Variants in RIC3 observed in about 807,000 individuals in gnomAD.
The protein encoded by RIC3 is RIC3 acetylcholine receptor chaperone.
A neutral mutation model predicts 27.3 loss-of-function variants in RIC3; 28 were observed. The observed-to-expected ratio is 1.02, with a 90% CI of 0.76 to 1.41. The LOEUF is 1.41. RIC3 is among the 40% of genes most tolerant of loss of function. RIC3 has a pLI of 0.00. For synonymous variants in RIC3, 184 were observed against 160.4 expected (o/e 1.15, Z -1.11); for missense variants, 501 against 444.7 (o/e 1.13, Z -1.14).
chr11:8,154,229 CCTCT>C lies in RIC3; in HGVS notation c.125-14040_125-14037del, dbSNP rs570331007. Among the ~76,000 whole-genome samples the C allele has an allele frequency of 5.3e-5, 8 of 152,276 alleles. No individual in the cohort carries two copies. In the East Asian group the frequency reaches 1.5e-3, roughly 29 times the overall value. Reference sequence around the variant, plus strand: ...TCCCTTGTGTACTTTTCCCCCACACCCTCTCTGAGATAAACACCATTCTGATTTT... The same window carrying C: ...TCCCTTGTGTACTTTTCCCCCACACCCTGAGATAAACACCATTCTGATTTT... On this transcript the variant is annotated intron_variant, in intron 1 of 5. Coordinates refer to ENST00000309737, the MANE Select transcript of RIC3 (RefSeq NM_001206671.4).
At chr11:8,154,896 A>C (rs10431029) in intron 1 of RIC3, among the ~76,000 whole-genome samples, 9 of 151,948 alleles carry the variant, frequency 5.9e-5, no homozygotes, top group Admixed American at 1.3e-4. Context: ...AAAAGGGAAC[A>C]TGACTAAATC....
At chr11:8,139,878 G>A (rs1374094463) in intron 2 of RIC3, 89 bp downstream of exon 2, 6 of 1,132,434 alleles carry the variant, frequency 5.3e-6, no homozygotes, top group African/African-American at 1.6e-5. Flanking sequence ...ATAATTTTAT[G>A]AACTATAAGA....
rs138105766 is a variant in RIC3 at position 8,109,430 on chromosome 11, G to A, written c.*1268C>T. The A allele has an allele frequency of 1.3e-5, 2 of 152,124 alleles. No homozygotes were observed. Among genetic ancestry groups the A allele is most frequent in the Admixed American group, 6.5e-5 (1 of 15,270 alleles). The allele number at this position is 152,124 out of a possible 1,614,324, so 9.4% of individuals were successfully genotyped here. A position where few individuals can be genotyped will look rare whatever the true frequency, so the allele number is the denominator to read the frequency against. ...GCTATCTTGTCTCAAGAAGACACACGTCAGATGCAGTAAGGAGAAAAGGCC... is the reference window on the plus strand; with the variant it reads ...GCTATCTTGTCTCAAGAAGACACACATCAGATGCAGTAAGGAGAAAAGGCC... On this transcript the variant is annotated 3_prime_UTR_variant, in exon 6 of 6. Coordinates refer to ENST00000309737, the MANE Select transcript of RIC3 (RefSeq NM_001206671.4).
At chr11:8,131,510 T>TA (rs1947700806) in intron 4 of RIC3, among the ~76,000 whole-genome samples, 1 of 152,202 alleles carries the variant, frequency 6.6e-6, no homozygotes, top group Admixed American at 6.5e-5. Flanking sequence ...ATCTATGAGA[T>TA]ATGTCCAGTG....
the RIC3 span, chr11:8,094,307 A>C: frequency 7.7e-7 from 1 of 1,303,260 alleles, no homozygotes; most frequent in Non-Finnish European, 1.0e-6. Flanking sequence ...CAGGGAAGAC[A>C]CAGACTGCCA....
chr11:8,145,415 G>T (rs148205429), intron 1 of RIC3, among the ~76,000 whole-genome samples: 3 of 152,184 alleles, frequency 2.0e-5, no homozygotes, highest in Non-Finnish European at 4.4e-5. Context: ...GTGCACACAG[G>T]GGAAGATGGT....
intron 1 of RIC3, among the ~76,000 whole-genome samples, chr11:8,153,748 A>T (rs1336849800): frequency 1.3e-5 from 2 of 152,304 alleles, no homozygotes; most frequent in Non-Finnish European, 2.9e-5. Context: ...TTCTTAATAC[A>T]ATCAGTATAT....
intron 1 of RIC3, among the ~76,000 whole-genome samples, chr11:8,149,661 C>A (rs550475895): frequency 2.2e-4 from 33 of 152,286 alleles, no homozygotes; most frequent in Admixed American, 2.1e-3. Flanking sequence ...AAATAAAATT[C>A]TAAGCCCACC....
chr11:8,150,510 T>G (rs1407781224), intron 1 of RIC3, among the ~76,000 whole-genome samples: 1 of 150,422 alleles, frequency 6.6e-6, no homozygotes, highest in Non-Finnish European at 1.5e-5. Flanking sequence ...AATACAGAAT[T>G]TTTTTTTTAT....
chr11:8,128,831 T>G (rs962287761), intron 4 of RIC3, among the ~76,000 whole-genome samples: 5 of 142,560 alleles, frequency 3.5e-5, no homozygotes, highest in African/African-American at 1.3e-4. Context: ...CTCAGCTCAC[T>G]GCAAGCTCCG....
At chr11:8,143,760 G>T (rs1490462869) in intron 1 of RIC3, among the ~76,000 whole-genome samples, 1 of 152,194 alleles carries the variant, frequency 6.6e-6, no homozygotes, top group East Asian at 1.9e-4. Flanking sequence ...GAGGCATCAT[G>T]CTACCTGACT....
At chr11:8,148,722 T>C (rs552950919) in intron 1 of RIC3, among the ~76,000 whole-genome samples, 1 of 152,104 alleles carries the variant, frequency 6.6e-6, no homozygotes, top group African/African-American at 2.4e-5. Flanking sequence ...GCGATAAAGG[T>C]AATAGAAACA....
At chr11:8,136,783 G>A (rs541772940) in intron 4 of RIC3, among the ~76,000 whole-genome samples, 6 of 152,242 alleles carry the variant, frequency 3.9e-5, no homozygotes, top group African/African-American at 1.4e-4. Flanking sequence ...AGACAGCTAG[G>A]AAATTTTCTT....
At position 8,139,956 on chromosome 11, in the gene RIC3, A is replaced by C; in HGVS notation, c.351+11T>G. 2 of 1,605,826 alleles carry C rather than the reference A, an allele frequency of 1.2e-6. No homozygotes were observed. The highest frequency in any genetic ancestry group is 1.6e-4 in the Middle Eastern group (1 of 6,066). On this transcript the variant is annotated intron_variant, in intron 2 of 5. Coordinates refer to ENST00000309737, the MANE Select transcript of RIC3 (RefSeq NM_001206671.4). The stretch of plus-strand genomic sequence containing the variant: ...TCATTGATGTAATATGATTAGGATG[A>C]TTCTACTTACCTTAAATAGAATGTA...
At chr11:8,105,399 G>T (rs1294856733), downstream of RIC3, 2 of 152,302 alleles carry the variant, frequency 1.3e-5, no homozygotes, top group East Asian at 3.9e-4. Flanking sequence ...ATAAGCCAAG[G>T]GCTAGGCTCT....
intron 4 of RIC3, among the ~76,000 whole-genome samples, chr11:8,135,026 T>C (rs1565036076): frequency 6.6e-6 from 1 of 152,204 alleles, no homozygotes; most frequent in Admixed American, 6.5e-5. Flanking sequence ...TTTGGTTTTG[T>C]TGCCATTGCT....
At chr11:8,100,590 C>G in the RIC3 span, 1 of 1,613,886 alleles carries the variant, frequency 6.2e-7, no homozygotes, top group Non-Finnish European at 8.5e-7. Context: ...AGTCTCTATC[C>G]GCCCCCGCAA....
chr11:8,140,266 T>A, intron 1 of RIC3, 73 bp from the exon 2 acceptor site: 1 of 1,384,138 alleles, frequency 7.2e-7, no homozygotes, highest in Non-Finnish European at 9.8e-7. Context: ...ACCAAATCAT[T>A]AAGGTATAAA....
chr11:8,111,374 G>C (rs1293071823), intron 5 of RIC3, among the ~76,000 whole-genome samples: 1 of 152,178 alleles, frequency 6.6e-6, no homozygotes, highest in Non-Finnish European at 1.5e-5. Context: ...CTTCTTATGT[G>C]TAGGGTGCTT....
Sources: gnomAD v4.1 joint callset for allele counts (sites outside exome capture counted in the v4.1 genomes callset) on GRCh38, gnomAD v4.1.1 for gene constraint, MANE v1.5 for transcripts, NCBI Gene and HGNC (gene_info 2026-07-23, HGNC 2026-07-21) for gene names.